Variants in IMMP2L observed in about 807,000 individuals in gnomAD.
The protein encoded by IMMP2L is mitochondrial inner membrane protease subunit 2.
Under a neutral mutation model 19.3 loss-of-function variants are expected in IMMP2L, and 18 were observed. That is an observed-to-expected ratio of 0.93 (90% CI 0.64 to 1.38). The LOEUF (loss-of-function observed/expected upper bound fraction) is 1.38. Ranked by LOEUF, IMMP2L falls within the 40% of genes most tolerant of loss-of-function variation. The pLI is 0.00. For missense variants in IMMP2L, 233 were observed against 218.2 expected, an observed-to-expected ratio of 1.07 and a Z score of -0.43; for synonymous variants, 76 against 73.0, an observed-to-expected ratio of 1.04 and a Z score of -0.21.
chr7:111,318,626 G>A (rs924747775), intron 3 of IMMP2L, among the ~76,000 whole-genome samples: 1 of 152,048 alleles, frequency 6.6e-6, no homozygotes, highest in African/African-American at 2.4e-5. Context: ...GTTCTGAGGT[G>A]CAATGGCAAA....
intron 5 of IMMP2L, among the ~76,000 whole-genome samples, chr7:110,689,066 T>C (rs1047319171): frequency 6.6e-6 from 1 of 152,234 alleles, no homozygotes; most frequent in Non-Finnish European, 1.5e-5. Context: ...GACAACTTGC[T>C]AGAAATGCAA....
Position 111,112,581 on chromosome 7 carries a change from G to A in IMMP2L, c.240-149016C>T, listed in dbSNP as rs1460206668. Among the ~76,000 whole-genome samples, 9 of 152,280 alleles carry A rather than the reference G, an allele frequency of 5.9e-5. 1 individual carries two copies. The highest frequency in any genetic ancestry group is 2.2e-4 in the African/African-American group (9 of 41,550). ...GTTTTTTCAAAGCTTACAGTGGAAT[G>A]TATGTTGTTCTATTTTTAAAACTTT... On this transcript the variant is annotated intron_variant, in intron 3 of 5. Coordinates refer to ENST00000405709, the MANE Select transcript of IMMP2L (RefSeq NM_032549.4).
chr7:111,342,705 T>C (rs755633019), intron 3 of IMMP2L, among the ~76,000 whole-genome samples: 2 of 152,100 alleles, frequency 1.3e-5, no homozygotes, highest in Non-Finnish European at 2.9e-5. Context: ...GCAAATATAA[T>C]TATATATAAT....
Position 110,816,693 on chromosome 7 carries a change from T to C in IMMP2L, c.408+69900A>G, listed in dbSNP as rs1236312584. Among the ~76,000 whole-genome samples, 3 of 150,672 alleles carry C rather than the reference T, an allele frequency of 2.0e-5. No homozygotes were observed. The East Asian group carries it at 5.9e-4, about 29-fold the overall frequency. ...CATTTAGGATAGTTAGCTCTTCTTG[T>C]TGAATTGATCCCTTTACCATTATGT... On this transcript the variant is annotated intron_variant, in intron 5 of 5. Coordinates refer to ENST00000405709, the MANE Select transcript of IMMP2L (RefSeq NM_032549.4).
At chr7:111,180,621 A>T (rs1244348263) in intron 3 of IMMP2L, among the ~76,000 whole-genome samples, 1 of 152,092 alleles carries the variant, frequency 6.6e-6, no homozygotes, top group Non-Finnish European at 1.5e-5. Flanking sequence ...AAAACTGGTG[A>T]TGACAGACTT....
chr7:110,713,483 T>A (rs1483764312), intron 5 of IMMP2L, among the ~76,000 whole-genome samples: 1 of 152,218 alleles, frequency 6.6e-6, no homozygotes. Flanking sequence ...TAATACTGAA[T>A]CTGTAAATTG....
chr7:110,750,868 A>T (rs890133942), intron 5 of IMMP2L, among the ~76,000 whole-genome samples: 1 of 152,090 alleles, frequency 6.6e-6, no homozygotes, highest in Non-Finnish European at 1.5e-5. Flanking sequence ...CCAAACAAAC[A>T]ATATTTTAAT....
intron 4 of IMMP2L, among the ~76,000 whole-genome samples, chr7:110,920,499 G>C (rs941327137): frequency 2.0e-5 from 3 of 152,108 alleles, no homozygotes; most frequent in Admixed American, 6.5e-5. Flanking sequence ...AAGTGATTTG[G>C]CTTTTTGCTT....
intron 5 of IMMP2L, among the ~76,000 whole-genome samples, chr7:110,873,037 C>T (rs2129544027): frequency 6.6e-6 from 1 of 152,280 alleles, no homozygotes; most frequent in Admixed American, 6.5e-5. Flanking sequence ...GGGGGAGCCC[C>T]CACCACAAAA....
At chr7:111,088,786 C>A (rs1231842977) in intron 3 of IMMP2L, among the ~76,000 whole-genome samples, 1 of 152,068 alleles carries the variant, frequency 6.6e-6, no homozygotes, top group African/African-American at 2.4e-5. Flanking sequence ...TGGAGAGAGC[C>A]ACATTTCATA....
At chr7:111,009,819 T>A (rs1221871573) in intron 3 of IMMP2L, among the ~76,000 whole-genome samples, 2 of 152,132 alleles carry the variant, frequency 1.3e-5, no homozygotes, top group East Asian at 3.8e-4. Flanking sequence ...AGCTGAAAAA[T>A]AAATGCTGTG....
At chr7:111,177,809 G>C (rs1807242550) in intron 3 of IMMP2L, among the ~76,000 whole-genome samples, 1 of 152,032 alleles carries the variant, frequency 6.6e-6, no homozygotes, top group Non-Finnish European at 1.5e-5. Flanking sequence ...ATGACAGGAA[G>C]ATGGGGTTGG....
chr7:111,076,213 C>T (rs1475649893), intron 3 of IMMP2L, among the ~76,000 whole-genome samples: 6 of 152,170 alleles, frequency 3.9e-5, no homozygotes, highest in Admixed American at 2.0e-4. Context: ...TGTCTCCTGG[C>T]AGGCTGTTGG....
chr7:110,856,895 T>G (rs777885235), intron 5 of IMMP2L, among the ~76,000 whole-genome samples: 78 of 152,060 alleles, frequency 5.1e-4, no homozygotes, highest in Non-Finnish European at 2.6e-4. Context: ...GCCAGCTGTT[T>G]GGATGAATGA....
intron 3 of IMMP2L, among the ~76,000 whole-genome samples, chr7:111,093,546 A>C (rs150684550): frequency 1.4e-3 from 212 of 152,292 alleles, no homozygotes; most frequent in African/African-American, 4.9e-3. Context: ...ACACATTCTT[A>C]AATCTAACCC....
chr7:110,970,278 TTTG>T (rs1340212963), intron 3 of IMMP2L, among the ~76,000 whole-genome samples: 1 of 152,112 alleles, frequency 6.6e-6, no homozygotes, highest in African/African-American at 2.4e-5. Context: ...TTTCCAACAG[TTTG>T]TTAACTCAAG....
At chr7:111,272,609 T>C (rs150291425) in intron 3 of IMMP2L, among the ~76,000 whole-genome samples, 14 of 152,256 alleles carry the variant, frequency 9.2e-5, no homozygotes, top group East Asian at 1.9e-4. Flanking sequence ...GGCTGATACA[T>C]AGACTATTAT....
At chr7:111,158,274 A>T (rs1000011898) in intron 3 of IMMP2L, among the ~76,000 whole-genome samples, 2 of 152,252 alleles carry the variant, frequency 1.3e-5, no homozygotes, top group African/African-American at 4.8e-5. Flanking sequence ...TTATAGGTAG[A>T]TATAGGTAGA....
chr7:110,669,939 G>T (rs911845280), intron 5 of IMMP2L, among the ~76,000 whole-genome samples: 75 of 152,228 alleles, frequency 4.9e-4, no homozygotes, highest in African/African-American at 1.8e-3. Context: ...ATACTGCTAG[G>T]TCCCACGTTC....
Sources: allele counts gnomAD v4.1 joint callset (sites outside exome capture counted in the v4.1 genomes callset), GRCh38; gene constraint gnomAD v4.1.1; transcripts MANE v1.5; gene names NCBI Gene and HGNC (gene_info 2026-07-23, HGNC 2026-07-21).